Variants in MICALL1 observed in about 807,000 individuals in gnomAD.
The protein encoded by MICALL1 is MICAL-like protein 1.
A neutral mutation model predicts 83.7 loss-of-function variants in MICALL1; 61 were observed. That is an observed-to-expected ratio of 0.73 (90% CI 0.59 to 0.90). The LOEUF is 0.90. Among genes scored for constraint, MICALL1 ranks in the 40% least tolerant of loss-of-function variants. The pLI, the probability that MICALL1 is intolerant of heterozygous loss-of-function variation, is 0.00. For synonymous variants in MICALL1, 481 were observed against 473.6 expected (o/e 1.02, Z -0.20); for missense variants, 1,066 against 1,152.0 (o/e 0.93, Z 1.08).
At chr22:37,912,120 C>A in intron 2 of MICALL1, 120 bp downstream of exon 2, 2 of 1,263,922 alleles carry the variant, frequency 1.6e-6, no homozygotes, top group Non-Finnish European at 1.1e-6. Flanking sequence ...CCGGCCCTGG[C>A]TGCACCTTTC....
In MICALL1 at chr22:37,924,069, A is replaced by C. The variant is rs1929264711; in HGVS notation, c.1025-591A>C. Among the ~76,000 whole-genome samples, 1 of 152,174 alleles carries C rather than the reference A, an allele frequency of 6.6e-6. No homozygotes were observed. The highest frequency in any genetic ancestry group is 2.4e-5 in the African/African-American group (1 of 41,452). Reference sequence around the variant, plus strand: ...GCAGCCCTTATCATTCCATTAGGGAAGGCATTGGTGGCCACGGGGAGAGAG... The same window carrying C: ...GCAGCCCTTATCATTCCATTAGGGACGGCATTGGTGGCCACGGGGAGAGAG... On this transcript the variant is annotated intron_variant, in intron 6 of 15. Transcript: ENST00000215957. This position sits in a 1 kb window ranked among gnomAD's most constrained non-coding sequence, Gnocchi z 5.2.
At chr22:37,921,925 G>C (rs770804135) in intron 5 of MICALL1, 47 bp from the exon 6 acceptor site, 1 of 1,503,074 alleles carries the variant, frequency 6.7e-7, no homozygotes, top group Non-Finnish European at 8.9e-7. Flanking sequence ...GCCAGTGCCT[G>C]GGCCCAGCTG....
chr22:37,932,535 C>G lies in MICALL1; in HGVS notation c.2017-18C>G, dbSNP rs1450607688. 23 of 1,612,882 alleles carry G rather than the reference C, an allele frequency of 1.4e-5. No individual in the cohort carries two copies. The highest frequency in any genetic ancestry group is 1.9e-5 in the Non-Finnish European group (22 of 1,179,272). Reference sequence around the variant, plus strand: ...AGCAACCAGGCAGGCCGTCAGGTGACCAGGCACTGTTGGGCAGGTCCAGGC... The same window carrying G: ...AGCAACCAGGCAGGCCGTCAGGTGAGCAGGCACTGTTGGGCAGGTCCAGGC... On this transcript the variant is annotated intron_variant, in intron 10 of 15. Transcript: ENST00000215957. This position sits in a 1 kb window ranked among gnomAD's most constrained non-coding sequence, Gnocchi z 4.4.
At chr22:37,912,170 C>A (rs1189868621) in intron 2 of MICALL1, among the ~76,000 whole-genome samples, 170 bp downstream of exon 2, 1 of 152,090 alleles carries the variant, frequency 6.6e-6, no homozygotes, top group Admixed American at 6.5e-5. Context: ...ATGCATGGAG[C>A]ACCAGGCTTC....
At chr22:37,928,642 C>T (rs981152353) in intron 9 of MICALL1, among the ~76,000 whole-genome samples, 1 of 152,194 alleles carries the variant, frequency 6.6e-6, no homozygotes, top group Non-Finnish European at 1.5e-5. Context: ...AGAGCTCCCA[C>T]CTATCTATCC....
In MICALL1 at chr22:37,906,373, C is replaced by G; in HGVS notation, c.-50C>G. The G allele has an allele frequency of 9.6e-7, 1 of 1,043,690 alleles. No homozygotes were observed. The allele number at this position is 1,043,690 out of a possible 1,614,324, so 64.7% of individuals were successfully genotyped here. On this transcript the variant is annotated 5_prime_UTR_variant, in exon 1 of 16. Transcript: ENST00000215957. This position sits in a 1 kb window ranked among gnomAD's most constrained non-coding sequence, Gnocchi z 4.4. Reference sequence around the variant, plus strand: ...GCCCGCGCGGCGGCCGCCGTCCCGGCCAAGCCGGGGCCCCGAAGCCAGAGC... The same window carrying G: ...GCCCGCGCGGCGGCCGCCGTCCCGGGCAAGCCGGGGCCCCGAAGCCAGAGC...
intron 3 of MICALL1, among the ~76,000 whole-genome samples, chr22:37,914,700 G>A (rs1276302340): frequency 1.3e-5 from 2 of 151,868 alleles, no homozygotes; most frequent in East Asian, 3.9e-4. Flanking sequence ...GAGTGCAGTG[G>A]CATGATCACA....
chr22:37,936,123 G>C (rs1403342573), intron 13 of MICALL1, among the ~76,000 whole-genome samples: 1 of 152,170 alleles, frequency 6.6e-6, no homozygotes, highest in Non-Finnish European at 1.5e-5. Context: ...CTGCAGGCTG[G>C]GGGAGGGGGA....
intron 3 of MICALL1, among the ~76,000 whole-genome samples, chr22:37,913,342 G>T (rs117014149): frequency 6.6e-6 from 1 of 152,188 alleles, no homozygotes; most frequent in African/African-American, 2.4e-5. Flanking sequence ...CTGAAGTCCC[G>T]TGGGGGAGAT....
intron 13 of MICALL1, among the ~76,000 whole-genome samples, chr22:37,935,902 G>T (rs957289928): frequency 5.9e-5 from 9 of 151,876 alleles, no homozygotes; most frequent in African/African-American, 2.2e-4. Context: ...GCTAATTTTT[G>T]TATTTTTAGT....
In MICALL1 at chr22:37,927,787, G is replaced by A; in HGVS notation, c.1842G>A (p.Val614=). The A allele has an allele frequency of 1.2e-6, 2 of 1,611,872 alleles. No individual in the cohort carries two copies. Among genetic ancestry groups the A allele is most frequent in the Non-Finnish European group, 1.7e-6 (2 of 1,178,924 alleles). The change falls in exon 9 of 16, where the codon GTG becomes GTA. Residue 614 remains valine (V), a synonymous_variant. Coordinates refer to ENST00000215957, the MANE Select transcript of MICALL1 (RefSeq NM_033386.4). ...TGTTGGTTGGAGACAGGAGCCCGGTGCCTTCCCCTGGAAGCTCGTCCCCAC... is the reference window on the plus strand; with the variant it reads ...TGTTGGTTGGAGACAGGAGCCCGGTACCTTCCCCTGGAAGCTCGTCCCCAC... ...PLLLVGDRSP[V]PSPGSSSPQL...
At chr22:37,927,854 G>C in intron 9 of MICALL1, 28 bp downstream of exon 9, 3 of 1,572,540 alleles carry the variant, frequency 1.9e-6, no homozygotes, top group Non-Finnish European at 2.6e-6. Context: ...CTCACTAAAA[G>C]TGACATCCTC....
chr22:37,919,300 AT>A, intron 5 of MICALL1, 122 bp downstream of exon 5: 2 of 1,224,478 alleles, frequency 1.6e-6, no homozygotes, highest in Non-Finnish European at 2.1e-6. Context: ...GCTTATCCCC[AT>A]TTTACTGATG....
chr22:37,906,998 T>A lies in MICALL1; in HGVS notation c.146+430T>A, dbSNP rs1257086205. Reference sequence around the variant, plus strand: ...CTCCCCCGAGGCTTCCCACTCGGGGTGGCCCCTTGCTCCGGGTGTGCAGGT... The same window carrying A: ...CTCCCCCGAGGCTTCCCACTCGGGGAGGCCCCTTGCTCCGGGTGTGCAGGT... On this transcript the variant is annotated intron_variant, in intron 1 of 15. Transcript: ENST00000215957. The surrounding 1 kb of genome is among the most constrained non-coding windows in gnomAD (Gnocchi z 4.4). 6.5e-6 allele frequency: 1 copy of A among 152,896 alleles called. No homozygotes were observed. The highest frequency in any genetic ancestry group is 1.5e-5 in the Non-Finnish European group (1 of 68,662). 9.5% of individuals were successfully genotyped at this position (152,896 alleles called of 1,614,324 possible). A position where few individuals can be genotyped will look rare whatever the true frequency, so the allele number is the denominator to read the frequency against.
chr22:37,932,670 G>T lies in MICALL1; in HGVS notation c.2134G>T (p.Gly712Cys). 2 of 1,613,892 alleles carry T rather than the reference G, an allele frequency of 1.2e-6. No homozygotes were observed. The highest frequency in any genetic ancestry group is 1.3e-5 in the African/African-American group (1 of 75,060). ...GVLLEEKLRG[G>C]LNEGREDDML... ...GCTGCTGGAGGAGAAGCTGCGTGGC[G>T]GCCTGAATGGTGCGGGAGCGGCTGG... The change falls in exon 11 of 16, where the codon GGC becomes TGC. Residue 712 changes from glycine to cysteine, a missense_variant. By Grantham distance (159) the Gly-to-Cys change is radical. Transcript: ENST00000215957. This position sits in a 1 kb window ranked among gnomAD's most constrained non-coding sequence, Gnocchi z 4.4.
rs184248807 is a variant in MICALL1, at chr22:37,933,065, G to A, written c.2261G>A (p.Arg754His). The A allele has an allele frequency of 1.9e-5, 30 of 1,613,968 alleles. No individual in the cohort carries two copies. The highest frequency in any genetic ancestry group is 2.2e-5 in the East Asian group (1 of 44,852). ...TTCAAGCAGCAGAACCTGGAGCAGC[G>A]CCAGGCTGATGTCGAGTATGAGCTC... is the stretch of plus-strand genomic sequence containing the variant. ...YVFKQQNLEQ[R>H]QADVEYELRC... is the part of the protein sequence containing the mutation. Residue 754 changes from arginine to histidine, a missense_variant, in exon 13 of 16, where the codon CGC (arginine) becomes CAC (histidine). Physicochemically the swap from Arg to His is conservative, Grantham distance 29 (BLOSUM62 0). Coordinates refer to ENST00000215957, the MANE Select transcript of MICALL1 (RefSeq NM_033386.4).
Position 37,931,849 on chromosome 22 carries a change from C to T in MICALL1, c.1932C>T (p.Ser644=), listed in dbSNP as rs1488176330. The T allele has an allele frequency of 2.5e-6, 4 of 1,614,144 alleles. No homozygotes were observed. The highest frequency in any genetic ancestry group is 3.3e-5 in the Admixed American group (2 of 60,018). ...PFNRKPSPAA[S]PATKKATKGS... ...ACCGGAAGCCATCACCTGCAGCGTC[C>T]CCAGCCACAAAGAAGGCCACCAAGG... Residue 644 remains serine, a synonymous_variant, in exon 10 of 16, where the codon TCC becomes TCT. Coordinates refer to ENST00000215957, the MANE Select transcript of MICALL1 (RefSeq NM_033386.4).
Position 37,932,495 on chromosome 22 carries a change from G to C in MICALL1, c.2017-58G>C. ...GTGGCCAATGCTGGCCAGAGAAGAGGGCAAGGCTCCTGGCAGCAACCAGGC... is the reference window on the plus strand; with the variant it reads ...GTGGCCAATGCTGGCCAGAGAAGAGCGCAAGGCTCCTGGCAGCAACCAGGC... On this transcript the variant is annotated intron_variant, in intron 10 of 15. Coordinates refer to ENST00000215957, the MANE Select transcript of MICALL1 (RefSeq NM_033386.4). The surrounding 1 kb of genome is among the most constrained non-coding windows in gnomAD (Gnocchi z 4.4). 6.2e-7 allele frequency: 1 copy of C among 1,603,124 alleles called. No homozygotes were observed. Among genetic ancestry groups the C allele is most frequent in the Non-Finnish European group, 8.5e-7 (1 of 1,173,612 alleles).
chr22:37,910,303 C>A (rs957495877), intron 1 of MICALL1, among the ~76,000 whole-genome samples: 14 of 152,164 alleles, frequency 9.2e-5, no homozygotes, highest in Admixed American at 2.0e-4. Context: ...GAGTTGGGGG[C>A]ACAGAGTAGC....
Sources: gnomAD v4.1 joint callset for allele counts (sites outside exome capture counted in the v4.1 genomes callset) on GRCh38, gnomAD v4.1.1 for gene constraint, Gnocchi (gnomAD v3.1) non-coding constraint, MANE v1.5 for transcripts, NCBI Gene and HGNC (gene_info 2026-07-23, HGNC 2026-07-21) for gene names.